Variants in DIAPH2 observed in about 807,000 individuals in gnomAD.
The protein encoded by DIAPH2 is diaphanous related formin 2.
A neutral mutation model predicts 92.7 loss-of-function variants in DIAPH2; 35 were observed. The observed-to-expected ratio is 0.38, with a 90% CI of 0.29 to 0.50. DIAPH2 has a LOEUF of 0.50. Among genes scored for constraint, DIAPH2 ranks in the 20% least tolerant of loss-of-function variants. DIAPH2 has a pLI of 0.94. For missense variants in DIAPH2, 701 were observed against 819.5 expected (o/e 0.86, Z 1.77); for synonymous variants, 301 against 280.4 (o/e 1.07, Z -0.73).
intron 4 of DIAPH2, among the ~76,000 whole-genome samples, chrX:96,854,245 C>A (rs893516571): frequency 5.5e-5 from 6 of 109,368 alleles, no homozygotes; most frequent in African/African-American, 2.0e-4. Flanking sequence ...ATCCAAATGA[C>A]CTCATTCATC....
intron 17 of DIAPH2, among the ~76,000 whole-genome samples, chrX:97,049,064 G>C (rs887819895): frequency 1.8e-5 from 2 of 110,763 alleles, no homozygotes; most frequent in African/African-American, 6.5e-5. Flanking sequence ...TTACTTTTAA[G>C]TTAACAGACA....
chrX:97,525,448 G>A (rs888616734), intron 26 of DIAPH2, among the ~76,000 whole-genome samples: 1 of 112,271 alleles, frequency 8.9e-6, no homozygotes, highest in African/African-American at 3.2e-5. Flanking sequence ...CTTGCATGGT[G>A]CTTTCAGCAT....
At chrX:97,470,693 GAA>G (rs199544991) in intron 26 of DIAPH2, among the ~76,000 whole-genome samples, 3 of 89,427 alleles carry the variant, frequency 3.4e-5, no homozygotes, top group African/African-American at 1.2e-4. Flanking sequence ...ACTGTGTTAA[GAA>G]AAAAAAAAAA....
At chrX:97,356,246 A>G (rs2069265716) in intron 24 of DIAPH2, among the ~76,000 whole-genome samples, 1 of 111,256 alleles carries the variant, frequency 9.0e-6, no homozygotes, top group Non-Finnish European at 1.9e-5. Context: ...AAGCCCCTCC[A>G]TTGCCCTCCT....
intron 22 of DIAPH2, among the ~76,000 whole-genome samples, chrX:97,161,233 C>T (rs975601785): frequency 1.8e-5 from 2 of 109,099 alleles, no homozygotes; most frequent in East Asian, 2.9e-4. Flanking sequence ...TTATGTGAGC[C>T]TTACTTTTCT....
chrX:97,334,602 G>C (rs1258656336), intron 23 of DIAPH2, among the ~76,000 whole-genome samples: 1 of 109,263 alleles, frequency 9.2e-6, no homozygotes, highest in Admixed American at 9.9e-5. Context: ...TTACTTCCTT[G>C]TGAAACTTCC....
At chrX:97,060,855 T>C (rs2066592515) in intron 17 of DIAPH2, among the ~76,000 whole-genome samples, 1 of 111,378 alleles carries the variant, frequency 9.0e-6, no homozygotes, top group East Asian at 2.8e-4. Context: ...ATCCAACAAT[T>C]TTTTTTTTAA....
chrX:97,164,752 C>G (rs981642658), intron 22 of DIAPH2, among the ~76,000 whole-genome samples: 1 of 111,505 alleles, frequency 9.0e-6, no homozygotes, highest in Non-Finnish European at 1.9e-5. Context: ...GTTCTTTTAC[C>G]TAGTAGTGTT....
rs1482872387 is a variant in DIAPH2 at position 97,600,215 on chromosome X, A to C, written c.*898A>C. ...TATTGATTCCTATGCTCTGTGGTTT[A>C]TTTCTTTTTTCTATTGCTTCTTTCT... On this transcript the variant is annotated 3_prime_UTR_variant, in exon 27 of 27. Transcript: ENST00000324765. 2.7e-5 allele frequency: 3 copies of C among 112,025 alleles called. No homozygotes were observed. The highest frequency in any genetic ancestry group is 9.7e-5 in the African/African-American group (3 of 30,862). The allele number at this position is 112,025 out of a possible 1,213,427, so 9.2% of individuals were successfully genotyped here.
intron 17 of DIAPH2, among the ~76,000 whole-genome samples, chrX:97,005,889 T>C (rs1312339355): frequency 9.8e-6 from 1 of 102,024 alleles, no homozygotes; most frequent in Admixed American, 1.1e-4. Context: ...AAATGCCTTG[T>C]TATTTATTTG....
At chrX:96,777,782 C>G (rs773679865) in intron 4 of DIAPH2, among the ~76,000 whole-genome samples, 2 of 111,437 alleles carry the variant, frequency 1.8e-5, no homozygotes, top group East Asian at 5.6e-4. Context: ...AACAAATTAA[C>G]TATTTGAAAT....
intron 19 of DIAPH2, among the ~76,000 whole-genome samples, chrX:97,095,406 G>A (rs1379524756): frequency 3.7e-5 from 4 of 107,742 alleles, no homozygotes; most frequent in East Asian, 2.9e-4. Flanking sequence ...GTGAGCCACC[G>A]CGCCCGGCCA....
intron 26 of DIAPH2, among the ~76,000 whole-genome samples, chrX:97,433,979 T>G (rs1158370957): frequency 7.2e-5 from 8 of 111,755 alleles, no homozygotes; most frequent in African/African-American, 2.6e-4. Context: ...ATTCCAACAG[T>G]GAGAGCTGGA....
intron 4 of DIAPH2, among the ~76,000 whole-genome samples, chrX:96,785,407 G>A (rs984508516): frequency 9.2e-6 from 1 of 108,557 alleles, no homozygotes; most frequent in Non-Finnish European, 1.9e-5. Context: ...AGGGTGCCAC[G>A]GACAATGCCA....
chrX:97,053,126 T>C (rs914272084), intron 17 of DIAPH2, among the ~76,000 whole-genome samples: 3 of 111,223 alleles, frequency 2.7e-5, no homozygotes, highest in African/African-American at 9.8e-5. Flanking sequence ...CATTACCTAT[T>C]ACTCTTTCCA....
chrX:97,239,427 T>C (rs2068074103), intron 22 of DIAPH2, among the ~76,000 whole-genome samples: 1 of 111,883 alleles, frequency 8.9e-6, no homozygotes, highest in Non-Finnish European at 1.9e-5. Flanking sequence ...TTCTCCTACA[T>C]ATAACTCAAG....
intron 16 of DIAPH2, among the ~76,000 whole-genome samples, chrX:96,958,357 C>T (rs990083137): frequency 3.6e-5 from 4 of 111,742 alleles, no homozygotes; most frequent in Non-Finnish European, 5.6e-5. Flanking sequence ...AAAGGAAAAT[C>T]GAAGTGATGT....
At chrX:96,820,252 T>C (rs1215644091) in intron 4 of DIAPH2, among the ~76,000 whole-genome samples, 1 of 112,112 alleles carries the variant, frequency 8.9e-6, no homozygotes, top group African/African-American at 3.2e-5. Flanking sequence ...GGCGGATCAT[T>C]TGAGGCCAGG....
At chrX:97,584,540 A>G (rs1353431059) in intron 26 of DIAPH2, among the ~76,000 whole-genome samples, 9 of 112,206 alleles carry the variant, frequency 8.0e-5, no homozygotes, top group African/African-American at 2.9e-4. Context: ...TTATCATTAC[A>G]AATGCAGAAC....
Sources: gnomAD v4.1 joint callset for allele counts (sites outside exome capture counted in the v4.1 genomes callset) on GRCh38, gnomAD v4.1.1 for gene constraint, MANE v1.5 for transcripts, NCBI Gene and HGNC (gene_info 2026-07-23, HGNC 2026-07-21) for gene names.